Variants in CNNM4 observed in about 807,000 individuals in gnomAD.
CNNM4 encodes cyclin and CBS domain divalent metal cation transport mediator 4.
A neutral mutation model predicts 53.7 loss-of-function variants in CNNM4; 32 were observed. The observed-to-expected ratio is 0.60, with a 90% CI of 0.45 to 0.80. The LOEUF is 0.80. CNNM4 is among the 30% of genes least tolerant of loss of function. The pLI is 0.00. For missense variants in CNNM4, 784 were observed against 1,022.0 expected, an observed-to-expected ratio of 0.77 and a Z score of 3.17; for synonymous variants, 410 against 440.0, an observed-to-expected ratio of 0.93 and a Z score of 0.85.
At chr2:96,763,779 A>G (rs973192263) in intron 1 of CNNM4, among the ~76,000 whole-genome samples, 5 of 150,958 alleles carry the variant, frequency 3.3e-5, no homozygotes, top group Non-Finnish European at 5.9e-5. Flanking sequence ...GCTGAGGACC[A>G]CTTGAGTAAA....
At position 96,808,644 on chromosome 2, in the gene CNNM4, A is replaced by C. The variant is rs766606277; in HGVS notation, c.2032A>C (p.Thr678Pro). ...PDRTDVSTAA[T>P]LAGSSNQFGS... ...CCGCACAGACGTCTCAACTGCAGCA[A>C]CCTTGGCAGGCAGCAGCAACCAGTT... Residue 678 changes from threonine (T) to proline (P), a missense_variant, in exon 6 of 7, where the codon ACC becomes CCC. Physicochemically the swap from Thr to Pro is conservative, Grantham distance 38 (BLOSUM62 -1). Coordinates refer to ENST00000377075, the MANE Select transcript of CNNM4 (RefSeq NM_020184.4). The surrounding 1 kb of genome is among the most constrained non-coding windows in gnomAD (Gnocchi z 4.9). 6.2e-7 allele frequency: 1 copy of C among 1,613,936 alleles called. No homozygotes were observed. Among genetic ancestry groups the C allele is most frequent in the African/African-American group, 1.3e-5 (1 of 74,898 alleles).
rs147548360 is a variant in CNNM4, at chr2:96,796,488, G to A, written c.1403-524G>A. On this transcript the variant is annotated intron_variant, in intron 1 of 6. Transcript: ENST00000377075. ...TTTAAACAAGTAGTCCTGGCCTGGC[G>A]TGGTGGCTCATTCCTGTATTCCCAG... Among the ~76,000 whole-genome samples the A allele has an allele frequency of 2.7e-4, 41 of 152,214 alleles. 1 individual carries two copies. Among genetic ancestry groups the A allele is most frequent in the African/African-American group, 9.4e-4 (39 of 41,524 alleles).
chr2:96,781,104 G>T (rs995577662), intron 1 of CNNM4, among the ~76,000 whole-genome samples: 4 of 145,120 alleles, frequency 2.8e-5, no homozygotes, highest in African/African-American at 5.2e-5. Context: ...TCAGCCTCCC[G>T]AGTAGCTGGG....
chr2:96,763,436 A>G (rs2078783762), intron 1 of CNNM4, among the ~76,000 whole-genome samples: 1 of 152,198 alleles, frequency 6.6e-6, no homozygotes. Flanking sequence ...GTGAGGAGGC[A>G]GAAAGGGAAG....
chr2:96,767,751 A>G (rs1485725832), intron 1 of CNNM4, among the ~76,000 whole-genome samples: 2 of 152,116 alleles, frequency 1.3e-5, no homozygotes, highest in East Asian at 1.9e-4. Context: ...TGCAGTATAA[A>G]TTGGTGGGGA....
At chr2:96,798,320 C>T (rs186329656) in intron 3 of CNNM4, 418 of 164,918 alleles carry the variant, frequency 2.5e-3, no homozygotes, top group African/African-American at 6.2e-3. Flanking sequence ...GGAGAAGGGA[C>T]GCTTCCCCTT....
At chr2:96,776,668 C>T (rs937480418) in intron 1 of CNNM4, among the ~76,000 whole-genome samples, 5 of 152,272 alleles carry the variant, frequency 3.3e-5, no homozygotes, top group African/African-American at 9.6e-5. Context: ...GCCTGGAGTG[C>T]GGTGATGCAT....
intron 1 of CNNM4, among the ~76,000 whole-genome samples, chr2:96,776,361 A>G (rs1406925597): frequency 3.3e-5 from 5 of 151,770 alleles, no homozygotes. Flanking sequence ...ACTTTTATTG[A>G]TACATAATAG....
chr2:96,807,490 T>C (rs1018903442), intron 5 of CNNM4, among the ~76,000 whole-genome samples: 1 of 151,612 alleles, frequency 6.6e-6, no homozygotes, highest in African/African-American at 2.4e-5. Flanking sequence ...TAGCTAGGCA[T>C]GGTGGAATGC....
At chr2:96,764,673 A>G (rs2078797078) in intron 1 of CNNM4, among the ~76,000 whole-genome samples, 1 of 152,074 alleles carries the variant, frequency 6.6e-6, no homozygotes, top group African/African-American at 2.4e-5. Context: ...CACAGCACAC[A>G]CCTAGTGTAC....
chr2:96,805,440 A>ATTTTTTT (rs2079195166), intron 5 of CNNM4, among the ~76,000 whole-genome samples: 1 of 87,478 alleles, frequency 1.1e-5, no homozygotes, highest in Non-Finnish European at 2.2e-5. Context: ...TTTTTTTTTT[A>ATTTTTTT]TTATTTTTTT....
At chr2:96,764,125 A>G (rs527925979) in intron 1 of CNNM4, among the ~76,000 whole-genome samples, 1 of 152,200 alleles carries the variant, frequency 6.6e-6, no homozygotes, top group South Asian at 2.1e-4. Flanking sequence ...GCACCTTCCC[A>G]TCAGTTCATT....
rs757161972 is a variant in CNNM4 at position 96,797,203 on chromosome 2, C to T, written c.1546+48C>T. ...CCCAGGACCCCTTTCCTGCTTGGATCGAAACTTGGTGTCCCTAGCTGGAAG... is the reference window on the plus strand; with the variant it reads ...CCCAGGACCCCTTTCCTGCTTGGATTGAAACTTGGTGTCCCTAGCTGGAAG... On this transcript the variant is annotated intron_variant, in intron 2 of 6. Transcript: ENST00000377075. This position sits in a 1 kb window ranked among gnomAD's most constrained non-coding sequence, Gnocchi z 6.0. 3.1e-6 allele frequency: 5 copies of T among 1,612,240 alleles called. No homozygotes were observed. The highest frequency in any genetic ancestry group is 2.2e-5 in the East Asian group (1 of 44,878).
chr2:96,799,889 T>A (rs922363216), intron 5 of CNNM4, among the ~76,000 whole-genome samples: 2 of 151,256 alleles, frequency 1.3e-5, no homozygotes, highest in African/African-American at 4.9e-5. Flanking sequence ...GATTTTAGAG[T>A]AAAGGCCTGG....
rs1284413545 is a variant in CNNM4 at position 96,800,126 on chromosome 2, C to T, written c.1948+478C>T. On this transcript the variant is annotated intron_variant, in intron 5 of 6. Transcript: ENST00000377075. This position sits in a 1 kb window ranked among gnomAD's most constrained non-coding sequence, Gnocchi z 4.6. ...ACTGGGTTTTGGTTAGAGGTCAGCT[C>T]CGATGGAATAAAGGGCCTTGGGGAC... is the stretch of plus-strand genomic sequence containing the variant. Among the ~76,000 whole-genome samples the T allele has an allele frequency of 6.6e-6, 1 of 152,084 alleles. No individual in the cohort carries two copies. The highest frequency in any genetic ancestry group is 6.5e-5 in the Admixed American group (1 of 15,272).
At position 96,797,651 on chromosome 2, in the gene CNNM4, G is replaced by A. The variant is rs781294642; in HGVS notation, c.1681+4G>A. 1 of 1,613,954 alleles carries A rather than the reference G, an allele frequency of 6.2e-7. No homozygotes were observed. On this transcript the variant is annotated splice_donor_region_variant and intron_variant, in intron 3 of 6. Transcript: ENST00000377075. This position sits in a 1 kb window ranked among gnomAD's most constrained non-coding sequence, Gnocchi z 6.0. ...GCTCATCGCTTCCTAGCCACAGGTA[G>A]CATGAGGAGGACCTTCCGGTCTTGG...
chr2:96,774,762 G>A (rs2078908835), intron 1 of CNNM4, among the ~76,000 whole-genome samples: 1 of 152,048 alleles, frequency 6.6e-6, no homozygotes, highest in South Asian at 2.1e-4. Flanking sequence ...TTAGGAGTTC[G>A]AGACCAGCCT....
In CNNM4 at chr2:96,800,369, G is replaced by A. The variant is rs563203828; in HGVS notation, c.1948+721G>A. Reference sequence around the variant, plus strand: ...GCGAGGTTGCTGCAGGGTAGAGAGAGAAAGTCCACTTTGGTGCTGGAGAAC... The same window carrying A: ...GCGAGGTTGCTGCAGGGTAGAGAGAAAAAGTCCACTTTGGTGCTGGAGAAC... On this transcript the variant is annotated intron_variant, in intron 5 of 6. Transcript: ENST00000377075. This position sits in a 1 kb window ranked among gnomAD's most constrained non-coding sequence, Gnocchi z 4.6. Among the ~76,000 whole-genome samples the A allele has an allele frequency of 2.6e-4, 40 of 152,374 alleles. No homozygotes were observed. The highest frequency in any genetic ancestry group is 8.9e-4 in the African/African-American group (37 of 41,596).
chr2:96,796,183 TGCCCAGGCTGGA>T (rs2079102006), intron 1 of CNNM4, among the ~76,000 whole-genome samples: 1 of 143,464 alleles, frequency 7.0e-6, no homozygotes, highest in Non-Finnish European at 1.5e-5. Context: ...CTTGCTCTGT[TGCCCAGGCTGGA>T]GTGCAGTGGC....
Sources: gnomAD v4.1 joint callset for allele counts (sites outside exome capture counted in the v4.1 genomes callset) on GRCh38, gnomAD v4.1.1 for gene constraint, Gnocchi (gnomAD v3.1) non-coding constraint, MANE v1.5 for transcripts, NCBI Gene and HGNC (gene_info 2026-07-23, HGNC 2026-07-21) for gene names.